DDHD1: variants seen among roughly 807,000 people sequenced by gnomAD.
The protein encoded by DDHD1 is phospholipase DDHD1.
A neutral mutation model predicts 96.4 loss-of-function variants in DDHD1; 49 were observed. The ratio of observed to expected loss-of-function variants is 0.51; its 90% CI spans 0.40 to 0.64. The LOEUF (loss-of-function observed/expected upper bound fraction) is 0.64. Ranked by LOEUF, DDHD1 falls within the 30% of genes least tolerant of loss-of-function variation. The pLI is 0.00. For synonymous variants in DDHD1, 442 were observed against 446.5 expected, an observed-to-expected ratio of 0.99 and a Z score of 0.13; for missense variants, 1,106 against 1,161.2, an observed-to-expected ratio of 0.95 and a Z score of 0.69.
At position 53,098,490 on chromosome 14, in the gene DDHD1, CCAG is replaced by C. The variant is rs200875052; in HGVS notation, c.1013-5049_1013-5047del. 8.5e-3 allele frequency among the ~76,000 whole-genome samples: 1,286 copies of C among 151,980 alleles called. 35 individuals are homozygous for C. The highest frequency in any genetic ancestry group is 0.024 in the Admixed American group (361 of 15,264). On this transcript the variant is annotated intron_variant, in intron 2 of 12. Transcript: ENST00000673822. The stretch of plus-strand genomic sequence containing the variant: ...GCTGGCAACCTGAAAAATTCCAACC[CCAG>C]GGAAGCAGTCTTACACATCTCTAAC...
chr14:53,123,127 AT>A (rs1889135268), intron 1 of DDHD1, among the ~76,000 whole-genome samples: 9 of 98,734 alleles, frequency 9.1e-5, no homozygotes, highest in Non-Finnish European at 2.2e-4. Flanking sequence ...TATTATTATT[AT>A]TATTATTATT....
At chr14:53,087,302 C>G (rs1595151122) in intron 4 of DDHD1, among the ~76,000 whole-genome samples, 1 of 152,034 alleles carries the variant, frequency 6.6e-6, no homozygotes, top group African/African-American at 2.4e-5. Context: ...AGCTCTGCAC[C>G]AAGCAGACCT....
chr14:53,053,458 C>G (rs1362727781), intron 11 of DDHD1: 1 of 151,862 alleles, frequency 6.6e-6, no homozygotes, highest in African/African-American at 2.4e-5. Context: ...AATGTTCAAC[C>G]CTATTAATAA....
chr14:53,082,017 A>G (rs975483323), intron 4 of DDHD1, among the ~76,000 whole-genome samples: 1 of 152,168 alleles, frequency 6.6e-6, no homozygotes. Context: ...AAAACAGTAA[A>G]ATCTATTTCT....
intron 1 of DDHD1, 149 bp downstream of exon 1, chr14:53,152,112 C>CGA: frequency 7.2e-6 from 6 of 835,488 alleles, no homozygotes; most frequent in South Asian, 1.9e-5. Context: ...CAGCTGCCGA[C>CGA]GCTCCCTGCT....
At position 53,055,631 on chromosome 14, in the gene DDHD1, A is replaced by G. The variant is rs551263641; in HGVS notation, c.2245+29T>C. The G allele has an allele frequency of 1.5e-5, 24 of 1,606,626 alleles. No individual in the cohort carries two copies. In the South Asian group the frequency reaches 2.3e-4, roughly 15 times the overall value. On this transcript the variant is annotated intron_variant, in intron 10 of 12. Coordinates refer to ENST00000673822, the MANE Select transcript of DDHD1 (RefSeq NM_001160148.2). ...TATGTCTAGGAAAGTGCTTATATGCATAGATAAGGAATACATAAGAGAAAT... is the reference window on the plus strand; with the variant it reads ...TATGTCTAGGAAAGTGCTTATATGCGTAGATAAGGAATACATAAGAGAAAT...
Position 53,152,927 on chromosome 14 carries a change from G to C in DDHD1, c.172C>G (p.Leu58Val), listed in dbSNP as rs1595289754. Residue 58 changes from leucine to valine, a missense_variant, in exon 1 of 13, where the codon CTG becomes GTG. By Grantham distance (32) the Leu-to-Val change is conservative. Transcript: ENST00000673822. Reference sequence around the variant, plus strand: ...TGCAGCCCGGGTTCCCCGCGCAGCAGGGCCAGGGGCACGTCGCCGTCGTCC... The same window carrying C: ...TGCAGCCCGGGTTCCCCGCGCAGCACGGCCAGGGGCACGTCGCCGTCGTCC... The part of the protein sequence containing the change: ...DPDDGDVPLA[L>V]LRGEPGLHLA... 3.1e-6 allele frequency: 5 copies of C among 1,605,140 alleles called. No individual in the cohort carries two copies. The African/African-American group carries it at 5.4e-5, about 17-fold the overall frequency.
intron 3 of DDHD1, chr14:53,092,701 T>C (rs577717573): frequency 5.7e-4 from 87 of 152,314 alleles, no homozygotes; most frequent in African/African-American, 2.0e-3. Context: ...AAAAATTAGC[T>C]GGGCATAGTG....
chr14:53,110,103 C>G (rs1288655616), intron 1 of DDHD1, among the ~76,000 whole-genome samples: 1 of 152,194 alleles, frequency 6.6e-6, no homozygotes, highest in African/African-American at 2.4e-5. Context: ...AGGCAGAAAC[C>G]TGGGAGTCAT....
rs760984852 is a variant in DDHD1, at chr14:53,091,791, G to A, written c.1283C>T (p.Thr428Ile). The change falls in exon 4 of 13, where the codon ACA (threonine) becomes ATA (isoleucine). Residue 428 changes from threonine to isoleucine, a missense_variant. Transcript: ENST00000673822. ...KMDQGRIIKN[T>I]AMMREAARKI... ...CATTCATCAAAGAACTTACATAGCT[G>A]TATTTTTGATAATTCTTCCTTGGTC... 9 of 1,612,778 alleles carry A rather than the reference G, an allele frequency of 5.6e-6. No homozygotes were observed. The highest frequency in any genetic ancestry group is 1.1e-5 in the South Asian group (1 of 90,890).
chr14:53,142,900 T>C (rs1890734221), intron 1 of DDHD1, among the ~76,000 whole-genome samples: 1 of 152,180 alleles, frequency 6.6e-6, no homozygotes, highest in Non-Finnish European at 1.5e-5. Flanking sequence ...GCCAAGAATA[T>C]GCCAAGTGAG....
chr14:53,126,820 T>C (rs575689003), intron 1 of DDHD1, among the ~76,000 whole-genome samples: 1 of 152,304 alleles, frequency 6.6e-6, no homozygotes, highest in East Asian at 1.9e-4. Flanking sequence ...AAAAAATGTA[T>C]TGAAAGAAAA....
intron 1 of DDHD1, among the ~76,000 whole-genome samples, chr14:53,142,708 T>C (rs1021017638): frequency 2.0e-5 from 3 of 152,164 alleles, no homozygotes; most frequent in Non-Finnish European, 2.9e-5. Flanking sequence ...CCATAGGCAA[T>C]AGATTTGTAA....
chr14:53,089,521 AC>A (rs1456675948), intron 4 of DDHD1, among the ~76,000 whole-genome samples: 1 of 152,150 alleles, frequency 6.6e-6, no homozygotes, highest in Non-Finnish European at 1.5e-5. Context: ...CACATCTACA[AC>A]CATCTGATCT....
intron 4 of DDHD1, among the ~76,000 whole-genome samples, chr14:53,087,668 A>G (rs1325078534): frequency 6.6e-6 from 1 of 152,244 alleles, no homozygotes; most frequent in Non-Finnish European, 1.5e-5. Context: ...AGCAGTGTAT[A>G]GAGGAAAATA....
intron 2 of DDHD1, among the ~76,000 whole-genome samples, chr14:53,094,018 C>G (rs1886663272): frequency 6.6e-6 from 1 of 150,750 alleles, no homozygotes; most frequent in African/African-American, 2.4e-5. Context: ...TACAAAAATA[C>G]AAAAAAAAAT....
intron 1 of DDHD1, among the ~76,000 whole-genome samples, chr14:53,104,693 T>C (rs1368704022): frequency 6.6e-6 from 1 of 152,186 alleles, no homozygotes; most frequent in Non-Finnish European, 1.5e-5. Flanking sequence ...CCAAGACTTT[T>C]AGTTGTTATT....
chr14:53,055,680 A>G lies in DDHD1; in HGVS notation c.2225T>C (p.Ile742Thr), dbSNP rs759780821. 3 of 1,614,064 alleles carry G rather than the reference A, an allele frequency of 1.9e-6. No individual in the cohort carries two copies. The highest frequency in any genetic ancestry group is 2.5e-6 in the Non-Finnish European group (3 of 1,179,922). ...ATTACCTAATATGCTTGCTTTGCCT[A>G]TATTTGTTATAGATTCTCCATAGTG... Reference protein sequence around the residue: ...RRHYGESITNIGKASILGAAS... With the variant: ...RRHYGESITNTGKASILGAAS... The change falls in exon 10 of 13, where the codon ATA (isoleucine) becomes ACA (threonine). Residue 742 changes from isoleucine to threonine, a missense_variant. By Grantham distance (89) the Ile-to-Thr change is moderately conservative. Around this residue, in one of 2 missense-constraint regions of DDHD1, gnomAD observed 650 missense variants for 758.8 expected, o/e 0.86. Coordinates refer to ENST00000673822, the MANE Select transcript of DDHD1 (RefSeq NM_001160148.2).
intron 4 of DDHD1, among the ~76,000 whole-genome samples, chr14:53,074,048 C>T (rs1884750016): frequency 6.6e-6 from 1 of 151,904 alleles, no homozygotes; most frequent in Non-Finnish European, 1.5e-5. Context: ...CCTAAATTTG[C>T]CATCTATGAT....
Sources: allele counts gnomAD v4.1 joint callset (sites outside exome capture counted in the v4.1 genomes callset), GRCh38; gene constraint gnomAD v4.1.1; regional missense constraint gnomAD v4.1.1; transcripts MANE v1.5; gene names NCBI Gene and HGNC (gene_info 2026-07-23, HGNC 2026-07-21).